Variants in PCDH15 observed in about 807,000 individuals in gnomAD.
PCDH15 encodes the protein protocadherin-15.
A neutral mutation model predicts 178.5 loss-of-function variants in PCDH15; 129 were observed. The ratio of observed to expected loss-of-function variants is 0.72; its 90% CI spans 0.63 to 0.84. The LOEUF (loss-of-function observed/expected upper bound fraction) is 0.84. PCDH15 is among the 40% of genes least tolerant of loss of function. The pLI is 0.00. For synonymous variants in PCDH15, 800 were observed against 732.0 expected (o/e 1.09, Z -1.50); for missense variants, 2,230 against 2,099.9 (o/e 1.06, Z -1.21).
intron 2 of PCDH15, among the ~76,000 whole-genome samples, chr10:55,327,187 G>A (rs1279822665): frequency 1.3e-5 from 2 of 152,080 alleles, no homozygotes; most frequent in Non-Finnish European, 2.9e-5. Context: ...GGCCCCTTCT[G>A]CCATGTGAGG....
chr10:55,385,192 T>C lies in PCDH15; in HGVS notation c.-155-218541A>G, dbSNP rs1013033692. Among the ~76,000 whole-genome samples the C allele has an allele frequency of 9.9e-5, 15 of 152,236 alleles. No individual in the cohort carries two copies. In the Middle Eastern group the frequency reaches 0.017, roughly 173 times the overall value. Reference sequence around the variant, plus strand: ...TTTGGCCTAAACAATGTCGTATATGTAAAACAAGGCAGCTTTCCGGGATGC... The same window carrying C: ...TTTGGCCTAAACAATGTCGTATATGCAAAACAAGGCAGCTTTCCGGGATGC... On this transcript the variant is annotated intron_variant, in intron 2 of 5. Coordinates refer to the PCDH15 transcript ENST00000613346.
At chr10:55,469,542 AT>A (rs1336604004) in intron 2 of PCDH15, among the ~76,000 whole-genome samples, 1 of 151,978 alleles carries the variant, frequency 6.6e-6, no homozygotes, top group African/African-American at 2.4e-5. Context: ...TTATATTGCT[AT>A]TGAATATTAT....
intron 2 of PCDH15, among the ~76,000 whole-genome samples, chr10:55,472,655 A>T (rs2132108788): frequency 6.6e-6 from 1 of 152,192 alleles, no homozygotes; most frequent in East Asian, 1.9e-4. Flanking sequence ...TGCAAGCTCC[A>T]CCTACCGGGT....
chr10:54,539,557 A>G (rs1047646151), intron 2 of PCDH15, among the ~76,000 whole-genome samples: 1 of 152,216 alleles, frequency 6.6e-6, no homozygotes, highest in Non-Finnish European at 1.5e-5. Context: ...CACTGACAAC[A>G]TTAGACAAAT....
At chr10:54,674,967 C>T (rs991275426) in intron 1 of PCDH15, among the ~76,000 whole-genome samples, 11 of 151,970 alleles carry the variant, frequency 7.2e-5, no homozygotes, top group South Asian at 4.1e-4. Context: ...CTATGCTTCA[C>T]GAATAATACA....
At chr10:54,155,027 A>G (rs1440381958) in intron 13 of PCDH15, among the ~76,000 whole-genome samples, 1 of 152,226 alleles carries the variant, frequency 6.6e-6, no homozygotes, top group African/African-American at 2.4e-5. Context: ...TTTTGATTAT[A>G]CTTAAATCAC....
chr10:55,122,723 TAAC>T (rs1245668912), intron 2 of PCDH15, among the ~76,000 whole-genome samples: 3 of 152,116 alleles, frequency 2.0e-5, no homozygotes, highest in African/African-American at 7.2e-5. Context: ...TGGCCAGTGG[TAAC>T]AATAAAAATA....
At chr10:55,248,937 T>C (rs1204618267) in intron 1 of PCDH15, among the ~76,000 whole-genome samples, 6 of 152,188 alleles carry the variant, frequency 3.9e-5, no homozygotes, top group African/African-American at 1.4e-4. Flanking sequence ...CTTGACAAAT[T>C]GATACTAAGA....
intron 24 of PCDH15, among the ~76,000 whole-genome samples, chr10:53,939,538 C>A: frequency 6.6e-6 from 1 of 152,150 alleles, no homozygotes; most frequent in South Asian, 2.1e-4. Context: ...ATCTCCCCCT[C>A]TTATGCTCTC....
chr10:54,947,127 T>C (rs558560727), intron 2 of PCDH15, among the ~76,000 whole-genome samples: 1 of 152,026 alleles, frequency 6.6e-6, no homozygotes, highest in Non-Finnish European at 1.5e-5. Flanking sequence ...TATAAGACAC[T>C]ATATTGAGCA....
intron 2 of PCDH15, among the ~76,000 whole-genome samples, chr10:54,921,281 A>C (rs953190950): frequency 6.6e-6 from 1 of 152,034 alleles, no homozygotes; most frequent in Non-Finnish European, 1.5e-5. Flanking sequence ...CTATTGCCTC[A>C]ATATATACCC....
chr10:54,491,426 A>ACT (rs2079583294), intron 3 of PCDH15, among the ~76,000 whole-genome samples: 2 of 152,112 alleles, frequency 1.3e-5, no homozygotes, highest in African/African-American at 4.8e-5. Flanking sequence ...TTTTTCAAGT[A>ACT]TCTAAGTTCT....
chr10:54,715,560 C>T (rs1236179132), intron 1 of PCDH15, among the ~76,000 whole-genome samples: 3 of 152,118 alleles, frequency 2.0e-5, no homozygotes, highest in African/African-American at 4.8e-5. Flanking sequence ...CCCCTGATGG[C>T]GTTTGGCTGG....
At chr10:54,361,824 C>T (rs1056343257) in intron 5 of PCDH15, among the ~76,000 whole-genome samples, 5 of 151,966 alleles carry the variant, frequency 3.3e-5, no homozygotes, top group African/African-American at 9.7e-5. Flanking sequence ...TTTTCAAAAT[C>T]GCATGGAATT....
At chr10:55,101,678 G>T (rs1411273450) in intron 2 of PCDH15, among the ~76,000 whole-genome samples, 1 of 151,340 alleles carries the variant, frequency 6.6e-6, no homozygotes, top group Non-Finnish European at 1.5e-5. Flanking sequence ...GATTATCAGA[G>T]TTTAGATCAT....
At chr10:55,366,978 G>A (rs1033851942) in intron 2 of PCDH15, among the ~76,000 whole-genome samples, 2 of 151,392 alleles carry the variant, frequency 1.3e-5, no homozygotes, top group Non-Finnish European at 2.9e-5. Flanking sequence ...AATTTAATAG[G>A]AGAGTTAGAG....
At chr10:54,451,081 T>G (rs1010304170) in intron 3 of PCDH15, among the ~76,000 whole-genome samples, 1 of 151,876 alleles carries the variant, frequency 6.6e-6, no homozygotes, top group Non-Finnish European at 1.5e-5. Context: ...AATCTAAATG[T>G]TATTTTTAAC....
chr10:54,381,064 G>GAA (rs558098416), intron 3 of PCDH15, among the ~76,000 whole-genome samples: 1 of 137,248 alleles, frequency 7.3e-6, no homozygotes, highest in Non-Finnish European at 1.6e-5. Flanking sequence ...TTGCCAAAAA[G>GAA]AAAAAAAAAA....
intron 1 of PCDH15, among the ~76,000 whole-genome samples, chr10:54,714,844 T>A (rs1357587016): frequency 6.6e-6 from 1 of 152,180 alleles, no homozygotes; most frequent in Non-Finnish European, 1.5e-5. Context: ...ATTCACTTAA[T>A]GTTATAATTT....
Sources: allele counts gnomAD v4.1 joint callset (sites outside exome capture counted in the v4.1 genomes callset), GRCh38; gene constraint gnomAD v4.1.1; transcripts MANE v1.5; gene names NCBI Gene and HGNC (gene_info 2026-07-23, HGNC 2026-07-21).